Variants in CNDP2 observed in about 807,000 individuals in gnomAD.
CNDP2 encodes the protein cytosolic non-specific dipeptidase.
Under a neutral mutation model 55.0 loss-of-function variants are expected in CNDP2, and 38 were observed. The observed-to-expected ratio is 0.69, with a 90% CI of 0.53 to 0.90. The LOEUF (loss-of-function observed/expected upper bound fraction) is 0.90. Among genes scored for constraint, CNDP2 ranks in the 40% least tolerant of loss-of-function variants. The probability of loss-of-function intolerance (pLI) is 0.00; values close to 1 mark genes in which losing one functional copy is unlikely to be tolerated. For synonymous variants in CNDP2, 241 were observed against 260.2 expected (o/e 0.93, Z 0.71); for missense variants, 607 against 621.7 (o/e 0.98, Z 0.25).
Position 74,516,224 on chromosome 18 carries a change from G to T in CNDP2, c.904-4G>T, listed in dbSNP as rs775444554. 6.2e-7 allele frequency: 1 copy of T among 1,605,464 alleles called. No homozygotes were observed. Among genetic ancestry groups the T allele is most frequent in the Admixed American group, 1.7e-5 (1 of 58,688 alleles). On this transcript the variant is annotated splice_polypyrimidine_tract_variant and splice_region_variant and intron_variant, in intron 8 of 11. Transcript: ENST00000324262. ...GTGTCCCTGACCCTCTGATTTTTCT[G>T]CAGAAAGACATCCTCATGCACCGAT...
chr18:74,513,073 C>T (rs1360022503), intron 7 of CNDP2, among the ~76,000 whole-genome samples: 2 of 152,234 alleles, frequency 1.3e-5, no homozygotes, highest in Non-Finnish European at 2.9e-5. Context: ...GCGTGACGTC[C>T]ACTCTGTTAT....
chr18:74,520,306 G>T lies in CNDP2; in HGVS notation c.*238G>T. The T allele has an allele frequency of 2.0e-6, 1 of 501,478 alleles. No homozygotes were observed. Among genetic ancestry groups the T allele is most frequent in the South Asian group, 2.2e-5 (1 of 45,442 alleles). The allele number at this position is 501,478 out of a possible 1,614,324, so 31.1% of individuals were successfully genotyped here. A position where few individuals can be genotyped will look rare whatever the true frequency, so the allele number is the denominator to read the frequency against. On this transcript the variant is annotated 3_prime_UTR_variant, in exon 12 of 12. Coordinates refer to ENST00000324262, the MANE Select transcript of CNDP2 (RefSeq NM_018235.3). ...CCTGGGTAAGTTCTCAGAGTGGTCA[G>T]GATGGCTTGACCTGCAGAAGATACC...
intron 7 of CNDP2, 116 bp downstream of exon 7, chr18:74,512,648 T>G: frequency 1.2e-6 from 1 of 825,606 alleles, no homozygotes; most frequent in Non-Finnish European, 1.9e-6. Context: ...CCAACTTCTG[T>G]CTCAGTTTCC....
intron 10 of CNDP2, 90 bp downstream of exon 10, chr18:74,518,730 C>G: frequency 6.4e-7 from 1 of 1,560,938 alleles, no homozygotes; most frequent in Non-Finnish European, 8.8e-7. Flanking sequence ...GTAGCTATGT[C>G]GGGGGCGCTG....
chr18:74,509,644 A>AC (rs1329296503), intron 5 of CNDP2: 2 of 152,018 alleles, frequency 1.3e-5, no homozygotes, highest in African/African-American at 4.8e-5. Flanking sequence ...AAAAAAAAAA[A>AC]AAAGCATTCT....
At chr18:74,505,721 A>G in intron 3 of CNDP2, 128 bp from the exon 4 acceptor site, 1 of 1,000,840 alleles carries the variant, frequency 1.0e-6, no homozygotes. Flanking sequence ...GTGTGCTCTT[A>G]AACTCTACAA....
At position 74,508,828 on chromosome 18, in the gene CNDP2, T is replaced by C; in HGVS notation, c.368-12T>C. On this transcript the variant is annotated splice_polypyrimidine_tract_variant and intron_variant, in intron 4 of 11. Coordinates refer to ENST00000324262, the MANE Select transcript of CNDP2 (RefSeq NM_018235.3). ...AATCATCACTTTATGAATTTGTGGA[T>C]TGCTGTTCTAGGCAAGCTGTATGGG... 2 of 1,611,818 alleles carry C rather than the reference T, an allele frequency of 1.2e-6. No individual in the cohort carries two copies. Among genetic ancestry groups the C allele is most frequent in the Non-Finnish European group, 1.7e-6 (2 of 1,177,894 alleles).
intron 6 of CNDP2, among the ~76,000 whole-genome samples, chr18:74,511,677 C>G (rs1979360736): frequency 6.8e-6 from 1 of 147,516 alleles, no homozygotes; most frequent in Non-Finnish European, 1.5e-5. Context: ...CATTGCACTC[C>G]AGCCTGAGCT....
intron 9 of CNDP2, chr18:74,517,728 A>C (rs1006715618): frequency 1.3e-5 from 2 of 151,896 alleles, no homozygotes; most frequent in East Asian, 1.9e-4. Flanking sequence ...CACATTTGTG[A>C]CTTTGTCTCA....
chr18:74,511,812 C>A (rs1599067712), intron 6 of CNDP2, among the ~76,000 whole-genome samples: 1 of 152,250 alleles, frequency 6.6e-6, no homozygotes, highest in East Asian at 1.9e-4. Context: ...CAATACCCCA[C>A]AGGATGACTG....
intron 8 of CNDP2, chr18:74,513,955 T>G: frequency 6.5e-6 from 3 of 459,716 alleles, no homozygotes; most frequent in Non-Finnish European, 1.2e-5. Context: ...AGAGGGGACA[T>G]GGGCTGGCTC....
intron 3 of CNDP2, among the ~76,000 whole-genome samples, chr18:74,502,062 T>C (rs1401491417): frequency 6.6e-6 from 1 of 152,180 alleles, no homozygotes; most frequent in Non-Finnish European, 1.5e-5. Context: ...ATTTTTATAT[T>C]TTTTGTAGAG....
intron 6 of CNDP2, 153 bp downstream of exon 6, chr18:74,511,166 A>G (rs1243509702): frequency 1.3e-5 from 8 of 631,254 alleles, no homozygotes; most frequent in Non-Finnish European, 2.2e-5. Context: ...TCCATAAACC[A>G]CCGTCCTACA....
intron 6 of CNDP2, 87 bp downstream of exon 6, chr18:74,511,100 G>A (rs940302360): frequency 9.5e-6 from 11 of 1,160,610 alleles, no homozygotes; most frequent in Middle Eastern, 2.8e-4. Flanking sequence ...GGACCCAGAA[G>A]TCAGGTGCAC....
At position 74,523,083 on chromosome 18, in the gene CNDP2, C is replaced by T. The variant is rs1980144559; in HGVS notation, c.*3015C>T. 6.6e-6 allele frequency: 1 copy of T among 152,348 alleles called. No homozygotes were observed. The highest frequency in any genetic ancestry group is 1.5e-5 in the Non-Finnish European group (1 of 68,132). 9.4% of individuals were successfully genotyped at this position (152,348 alleles called of 1,614,324 possible). A position where few individuals can be genotyped will look rare whatever the true frequency, so the allele number is the denominator to read the frequency against. On this transcript the variant is annotated 3_prime_UTR_variant, in exon 12 of 12. Coordinates refer to ENST00000324262, the MANE Select transcript of CNDP2 (RefSeq NM_018235.3). ...GGCAATCTCGACAGCTCCACGTTCC[C>T]AGTGCCCGACCCAAGCCTGGCCCAT... is the stretch of plus-strand genomic sequence containing the variant.
At chr18:74,519,961 G>A (rs374161908) in intron 11 of CNDP2, 38 bp from the exon 12 acceptor site, 38 of 1,600,402 alleles carry the variant, frequency 2.4e-5, no homozygotes, top group Admixed American at 6.7e-5. Context: ...GTTGGCTCAC[G>A]ACACCAGCCA....
At chr18:74,516,118 G>A (rs577306289) in intron 8 of CNDP2, 110 bp from the exon 9 acceptor site, 8 of 1,230,808 alleles carry the variant, frequency 6.5e-6, no homozygotes, top group Middle Eastern at 2.0e-4. Context: ...CCTGGGCCAG[G>A]CCCTGTTTCA....
chr18:74,516,164 C>T lies in CNDP2; in HGVS notation c.904-64C>T, dbSNP rs553207765. On this transcript the variant is annotated intron_variant, in intron 8 of 11. Transcript: ENST00000324262. ...TTCCCAGACAACATTCCCAGCTCCT[C>T]GGTGAGCAGACAGGGCTGGCACTGA... 208 of 1,503,120 alleles carry T rather than the reference C, an allele frequency of 1.4e-4. No homozygotes were observed. In the African/African-American group the frequency reaches 2.6e-3, roughly 19 times the overall value. The allele number at this position is 1,503,120 out of a possible 1,614,324, so 93.1% of individuals were successfully genotyped here.
chr18:74,502,771 A>G (rs34676212), intron 3 of CNDP2, among the ~76,000 whole-genome samples: 50,108 of 152,004 alleles, frequency 0.33, 9,366 homozygotes, highest in African/African-American at 0.51. Context: ...AAATCACAGC[A>G]CTAGAAGCTT....
Sources: gnomAD v4.1 joint callset for allele counts (sites outside exome capture counted in the v4.1 genomes callset) on GRCh38, gnomAD v4.1.1 for gene constraint, MANE v1.5 for transcripts, NCBI Gene and HGNC (gene_info 2026-07-23, HGNC 2026-07-21) for gene names.